DNMT1: variants seen among roughly 807,000 people sequenced by gnomAD.
The protein encoded by DNMT1 is DNA (cytosine-5)-methyltransferase 1.
Under a neutral mutation model 205.3 loss-of-function variants are expected in DNMT1, and 24 were observed. That is an observed-to-expected ratio of 0.12 (90% CI 0.08 to 0.16). The LOEUF (loss-of-function observed/expected upper bound fraction) is 0.16, where lower values mean the gene tolerates loss of function less well. Among genes scored for constraint, DNMT1 ranks in the 10% least tolerant of loss-of-function variants. The pLI is 1.00. For synonymous variants in DNMT1, 817 were observed against 839.8 expected (o/e 0.97, Z 0.47); for missense variants, 1,293 against 2,177.7 (o/e 0.59, Z 8.09).
intron 1 of DNMT1, among the ~76,000 whole-genome samples, chr19:10,188,570 T>C (rs1189922354): frequency 6.6e-6 from 1 of 152,116 alleles, no homozygotes; most frequent in African/African-American, 2.4e-5. Flanking sequence ...AAAATGTTCA[T>C]GCCCTAATCC....
At chr19:10,135,634 C>A in intron 39 of DNMT1, 102 bp downstream of exon 39, 7 of 1,254,748 alleles carry the variant, frequency 5.6e-6, no homozygotes, top group South Asian at 1.3e-5. Flanking sequence ...CGGCAGCCAG[C>A]AGGCGTCCTC....
chr19:10,180,934 A>G (rs746394618), intron 2 of DNMT1, 49 bp from the exon 3 acceptor site: 5 of 1,461,620 alleles, frequency 3.4e-6, no homozygotes, highest in Non-Finnish European at 4.8e-6. Context: ...CAAGCTATTC[A>G]CTAGTGGACT....
chr19:10,186,762 C>T (rs1046010829), intron 1 of DNMT1, among the ~76,000 whole-genome samples: 18 of 147,540 alleles, frequency 1.2e-4, no homozygotes, highest in Admixed American at 4.1e-4. Flanking sequence ...CGCTTGAACC[C>T]GGGAGGTGGA....
At chr19:10,179,625 G>A (rs1037208878) in intron 5 of DNMT1, among the ~76,000 whole-genome samples, 15 of 152,256 alleles carry the variant, frequency 9.9e-5, no homozygotes, top group South Asian at 2.1e-4. Context: ...AAGGAACCTG[G>A]ACACACTGAC....
chr19:10,141,406 G>A, intron 30 of DNMT1: 1 of 570,146 alleles, frequency 1.8e-6, no homozygotes, highest in Non-Finnish European at 3.2e-6. Context: ...ACACTGAAAT[G>A]CCTATTACAA....
At chr19:10,184,705 G>A (rs2039143979) in intron 1 of DNMT1, 1 of 152,274 alleles carries the variant, frequency 6.6e-6, no homozygotes, top group Admixed American at 6.6e-5. Context: ...GAGGAACACA[G>A]GCTGTTGTTC....
intron 28 of DNMT1, 24 bp from the exon 29 acceptor site, chr19:10,144,011 A>G: frequency 6.2e-7 from 1 of 1,611,820 alleles, no homozygotes; most frequent in Non-Finnish European, 8.5e-7. Context: ...CCCACTTGAC[A>G]TCAATGAACC....
chr19:10,139,384 TC>T (rs1392275347), intron 34 of DNMT1, among the ~76,000 whole-genome samples: 2 of 152,258 alleles, frequency 1.3e-5, no homozygotes, highest in African/African-American at 2.4e-5. Context: ...TGCTCACCCT[TC>T]CCCATCGAGG....
chr19:10,164,437 C>T (rs1304103843), intron 11 of DNMT1, among the ~76,000 whole-genome samples: 1 of 152,148 alleles, frequency 6.6e-6, no homozygotes, highest in African/African-American at 2.4e-5. Context: ...GACACCGCGC[C>T]TGGCTTACAA....
intron 11 of DNMT1, 128 bp downstream of exon 11, chr19:10,166,470 G>A: frequency 8.9e-7 from 1 of 1,121,536 alleles, no homozygotes; most frequent in Non-Finnish European, 1.3e-6. Context: ...CCAGAGTCTG[G>A]ATGGCCCCAT....
Position 10,156,785 on chromosome 19 carries a change from T to C in DNMT1, c.1281-276A>G, listed in dbSNP as rs1207204078. ...GGCCTGAACCACCATGCCCGGCTAA[T>C]TGTTGTATTTTTAGTAGGGACGGGG... On this transcript the variant is annotated intron_variant, in intron 17 of 40. Coordinates refer to ENST00000359526, the MANE Select transcript of DNMT1 (RefSeq NM_001130823.3). The surrounding 1 kb of genome is among the most constrained non-coding windows in gnomAD (Gnocchi z 4.2). Among the ~76,000 whole-genome samples the C allele has an allele frequency of 6.6e-6, 1 of 151,738 alleles. No individual in the cohort carries two copies. Among genetic ancestry groups the C allele is most frequent in the African/African-American group, 2.4e-5 (1 of 41,266 alleles).
At chr19:10,180,730 T>TAGG (rs749117379) in intron 3 of DNMT1, 48 bp downstream of exon 3, 1 of 1,574,740 alleles carries the variant, frequency 6.4e-7, no homozygotes. Context: ...GACAAGTTAC[T>TAGG]AGGAGGAGAC....
Position 10,156,258 on chromosome 19 carries a change from G to A in DNMT1, c.1399+133C>T, listed in dbSNP as rs1370743523. 1.4e-6 allele frequency: 1 copy of A among 739,168 alleles called. No individual in the cohort carries two copies. Among genetic ancestry groups the A allele is most frequent in the Non-Finnish European group, 2.4e-6 (1 of 410,878 alleles). 45.8% of individuals were successfully genotyped at this position (739,168 alleles called of 1,614,324 possible). ...GGCAGGCTCTTGCTATGTTGTCCAG[G>A]CTCGTCTCAAACTCCCGGGCTCAAG... On this transcript the variant is annotated intron_variant, in intron 18 of 40. Transcript: ENST00000359526. The surrounding 1 kb of genome is among the most constrained non-coding windows in gnomAD (Gnocchi z 4.2).
intron 2 of DNMT1, among the ~76,000 whole-genome samples, chr19:10,181,646 T>C (rs1010159418): frequency 2.0e-5 from 3 of 151,110 alleles, no homozygotes; most frequent in African/African-American, 7.3e-5. Flanking sequence ...CTGGCCAACA[T>C]GGTGAAACCC....
intron 9 of DNMT1, among the ~76,000 whole-genome samples, chr19:10,170,771 T>G: frequency 6.6e-6 from 1 of 151,688 alleles, no homozygotes; most frequent in East Asian, 1.9e-4. Flanking sequence ...TCATCTTGGT[T>G]TTTTTTTGTT....
intron 22 of DNMT1, among the ~76,000 whole-genome samples, chr19:10,152,599 TG>T (rs1451968844): frequency 6.6e-6 from 1 of 151,102 alleles, no homozygotes; most frequent in Non-Finnish European, 1.5e-5. Flanking sequence ...ATCTACAAAA[TG>T]TTTTTTTTTA....
At chr19:10,175,084 T>TACATAC (rs1491243244) in intron 7 of DNMT1, among the ~76,000 whole-genome samples, 5 of 113,904 alleles carry the variant, frequency 4.4e-5, no homozygotes, top group East Asian at 3.2e-4. Flanking sequence ...CATACATACA[T>TACATAC]ACACACACAC....
At chr19:10,169,450 G>A (rs966537750) in intron 9 of DNMT1, among the ~76,000 whole-genome samples, 2 of 151,562 alleles carry the variant, frequency 1.3e-5, no homozygotes, top group Non-Finnish European at 2.9e-5. Flanking sequence ...CCAGCTACTG[G>A]GGAGGTGGAG....
intron 17 of DNMT1, among the ~76,000 whole-genome samples, chr19:10,157,764 AG>A (rs1258719789): frequency 1.3e-5 from 2 of 152,220 alleles, no homozygotes; most frequent in Non-Finnish European, 2.9e-5. Context: ...TGTAAGGCCC[AG>A]AAGAAGAGAC....
Sources: allele counts gnomAD v4.1 joint callset (sites outside exome capture counted in the v4.1 genomes callset), GRCh38; gene constraint gnomAD v4.1.1; non-coding constraint Gnocchi (gnomAD v3.1); transcripts MANE v1.5; gene names NCBI Gene and HGNC (gene_info 2026-07-23, HGNC 2026-07-21).